The following NCOA6 variants were observed in gnomAD, a reference collection of about 807,000 sequenced individuals.
NCOA6 encodes the protein NRC RAP250.
NCOA6 carries 49 observed loss-of-function variants against 171.4 expected under a neutral mutation model. The ratio of observed to expected loss-of-function variants is 0.29; its 90% CI spans 0.23 to 0.36. The LOEUF (loss-of-function observed/expected upper bound fraction) is 0.36, where lower values mean the gene tolerates loss of function less well. Among genes scored for constraint, NCOA6 ranks in the 10% least tolerant of loss-of-function variants. The pLI is 1.00. For missense variants in NCOA6, 2,248 were observed against 2,554.5 expected, an observed-to-expected ratio of 0.88 and a Z score of 2.59; for synonymous variants, 910 against 927.5, an observed-to-expected ratio of 0.98 and a Z score of 0.34.
intron 2 of NCOA6, among the ~76,000 whole-genome samples, chr20:34,784,375 C>T (rs939333775): frequency 6.6e-6 from 1 of 152,008 alleles, no homozygotes; most frequent in Non-Finnish European, 1.5e-5. Flanking sequence ...CAGGCGTGTA[C>T]CACCGTGCCC....
intron 1 of NCOA6, among the ~76,000 whole-genome samples, chr20:34,793,345 T>C (rs1340102462): frequency 6.6e-6 from 1 of 152,214 alleles, no homozygotes. Context: ...AAATTTAGCT[T>C]TTTAAACTTG....
chr20:34,786,010 C>T (rs6119524), intron 2 of NCOA6, among the ~76,000 whole-genome samples: 52,313 of 151,934 alleles, frequency 0.34, 9,357 homozygotes, highest in Middle Eastern at 0.41. Context: ...AATTTCAGAA[C>T]TTGTTAATTG....
chr20:34,784,879 G>A (rs978368052), intron 2 of NCOA6, among the ~76,000 whole-genome samples: 2 of 150,358 alleles, frequency 1.3e-5, no homozygotes, highest in Non-Finnish European at 3.0e-5. Context: ...TCAGGATTTC[G>A]AGACCAGCCT....
At chr20:34,787,536 A>AAG (rs1224328492) in intron 2 of NCOA6, among the ~76,000 whole-genome samples, 2 of 152,134 alleles carry the variant, frequency 1.3e-5, no homozygotes, top group African/African-American at 4.8e-5. Flanking sequence ...TAAAAAAAAA[A>AAG]AAAAAATTAA....
intron 13 of NCOA6, among the ~76,000 whole-genome samples, chr20:34,728,590 T>C (rs189087022): frequency 2.0e-5 from 3 of 152,352 alleles, no homozygotes; most frequent in Admixed American, 6.5e-5. Flanking sequence ...ATGTTGAGGC[T>C]GAGAAACTCT....
chr20:34,752,093 G>C (rs1480189337), intron 8 of NCOA6, among the ~76,000 whole-genome samples: 2 of 152,040 alleles, frequency 1.3e-5, no homozygotes, highest in Admixed American at 6.6e-5. Context: ...GCTGACCTCA[G>C]GTGATCCACC....
chr20:34,722,508 A>G (rs1198701529), intron 14 of NCOA6, among the ~76,000 whole-genome samples: 2 of 151,962 alleles, frequency 1.3e-5, no homozygotes, highest in South Asian at 2.1e-4. Context: ...GGGAGACCCC[A>G]TCTCTACAAA....
intron 1 of NCOA6, among the ~76,000 whole-genome samples, chr20:34,798,058 G>A (rs558413220): frequency 6.6e-6 from 1 of 152,122 alleles, no homozygotes; most frequent in South Asian, 2.1e-4. Context: ...AGAGGCTCTG[G>A]GCCTGCCCTG....
Position 34,727,298 on chromosome 20 carries a change from G to A in NCOA6, c.6109C>T (p.Arg2037Ter). ...GAGGCTGAAGCAGGTCGAGAAGATCGTTTACGATGTCCATTTTCCACACTT... is the reference window on the plus strand; with the variant it reads ...GAGGCTGAAGCAGGTCGAGAAGATCATTTACGATGTCCATTTTCCACACTT... ...SESVENGHRK[R>*]SSRPASASSS... The change falls in exon 14 of 15, where the codon CGA becomes TGA. Residue 2037 changes from arginine to a stop codon, truncating the protein, a stop_gained. Coordinates refer to ENST00000359003, the MANE Select transcript of NCOA6 (RefSeq NM_014071.5). LOFTEE classifies it high-confidence loss of function. 6.2e-7 allele frequency: 1 copy of A among 1,614,172 alleles called. No homozygotes were observed. The highest frequency in any genetic ancestry group is 8.5e-7 in the Non-Finnish European group (1 of 1,180,026).
chr20:34,726,671 G>A (rs949600282), intron 14 of NCOA6, among the ~76,000 whole-genome samples: 1 of 152,082 alleles, frequency 6.6e-6, no homozygotes, highest in African/African-American at 2.4e-5. Flanking sequence ...TGTAATCCCA[G>A]CTACTCAGGA....
In NCOA6 at chr20:34,736,673, T is replaced by G. The variant is rs763470005; in HGVS notation, c.5962+17A>C. On this transcript the variant is annotated intron_variant, in intron 12 of 14. Coordinates refer to ENST00000359003, the MANE Select transcript of NCOA6 (RefSeq NM_014071.5). Reference sequence around the variant, plus strand: ...AACCCATCCCACTCCAAGAAGTTTTTCCAAAGTACGCCTTACCTGGTCTGG... The same window carrying G: ...AACCCATCCCACTCCAAGAAGTTTTGCCAAAGTACGCCTTACCTGGTCTGG... 6.3e-7 allele frequency: 1 copy of G among 1,592,854 alleles called. No homozygotes were observed. The highest frequency in any genetic ancestry group is 1.1e-5 in the South Asian group (1 of 87,472).
Position 34,749,495 on chromosome 20 carries a change from A to C in NCOA6, c.2700T>G (p.Phe900Leu), listed in dbSNP as rs1452018021. The change falls in exon 9 of 15, where the codon TTT (phenylalanine) becomes TTG (leucine). Residue 900 changes from phenylalanine to leucine, a missense_variant. By Grantham distance (22) the Phe-to-Leu change is conservative. Transcript: ENST00000359003. The part of the protein sequence containing the change: ...LLQSDISAGH[F>L]GVNNKQNNTN... ...TATTATTTTGCTTATTGTTTACCCCAAAATGGCCTGCAGATATGTCACTCT... is the reference window on the plus strand; with the variant it reads ...TATTATTTTGCTTATTGTTTACCCCCAAATGGCCTGCAGATATGTCACTCT... 1 of 1,614,108 alleles carries C rather than the reference A, an allele frequency of 6.2e-7. No individual in the cohort carries two copies. The highest frequency in any genetic ancestry group is 8.5e-7 in the Non-Finnish European group (1 of 1,180,040).
At chr20:34,768,961 C>T (rs754700115) in intron 4 of NCOA6, among the ~76,000 whole-genome samples, 34 of 151,922 alleles carry the variant, frequency 2.2e-4, no homozygotes, top group Non-Finnish European at 4.4e-4. Flanking sequence ...AAATCCTAGA[C>T]TTCCTTTTGG....
intron 14 of NCOA6, among the ~76,000 whole-genome samples, chr20:34,719,359 G>A (rs144507656): frequency 1.5e-3 from 229 of 151,778 alleles, no homozygotes; most frequent in African/African-American, 5.5e-3. Flanking sequence ...GGCGAGATGC[G>A]GTGGCTCACA....
At chr20:34,781,572 A>G (rs2077518252) in intron 3 of NCOA6, among the ~76,000 whole-genome samples, 1 of 152,206 alleles carries the variant, frequency 6.6e-6, no homozygotes, top group African/African-American at 2.4e-5. Context: ...TTCATGCAAT[A>G]TAACTCAATT....
At chr20:34,812,671 T>C (rs6088615) in intron 1 of NCOA6, among the ~76,000 whole-genome samples, 52,762 of 151,860 alleles carry the variant, frequency 0.35, 9,540 homozygotes, top group Middle Eastern at 0.43. Context: ...TGTGCCCAAA[T>C]TGCAACAAAG....
intron 1 of NCOA6, chr20:34,820,450 A>G (rs1165471433): frequency 6.6e-6 from 1 of 152,026 alleles, no homozygotes; most frequent in Non-Finnish European, 1.5e-5. Flanking sequence ...ACTTTTTAAC[A>G]AATGACACCT....
Position 34,757,210 on chromosome 20 carries a change from T to C in NCOA6, c.1528+10A>G. The C allele has an allele frequency of 6.5e-7, 1 of 1,548,336 alleles. No individual in the cohort carries two copies. The highest frequency in any genetic ancestry group is 1.3e-5 in the South Asian group (1 of 79,994). ...AATTTACCAACACAAATAGCTACAG[T>C]GTTCCTCACCTCCTAGGCCTGGATG... On this transcript the variant is annotated intron_variant, in intron 7 of 14. Coordinates refer to ENST00000359003, the MANE Select transcript of NCOA6 (RefSeq NM_014071.5).
intron 3 of NCOA6, among the ~76,000 whole-genome samples, chr20:34,778,958 C>CAAAA (rs57631874): frequency 1.1e-4 from 5 of 46,514 alleles, no homozygotes; most frequent in African/African-American, 1.7e-4. Flanking sequence ...GACTCCGTTT[C>CAAAA]AAAAAAAAAA....
Sources: allele counts gnomAD v4.1 joint callset (sites outside exome capture counted in the v4.1 genomes callset), GRCh38; gene constraint gnomAD v4.1.1; transcripts MANE v1.5; gene names NCBI Gene and HGNC (gene_info 2026-07-23, HGNC 2026-07-21).